ACTR3C: variants seen among roughly 807,000 people sequenced by gnomAD.
The protein encoded by ACTR3C is actin related protein 3C, also known as actin-related protein 3C.
Under a neutral mutation model 26.3 loss-of-function variants are expected in ACTR3C, and 18 were observed. The observed-to-expected ratio is 0.68, with a 90% confidence interval of 0.47 to 1.01. The LOEUF is 1.01. Among genes scored for constraint, ACTR3C ranks in the 50% least tolerant of loss-of-function variants. The probability of loss-of-function intolerance (pLI) is 0.00; values close to 1 mark genes in which losing one functional copy is unlikely to be tolerated. For missense variants in ACTR3C, 184 were observed against 250.7 expected (o/e 0.73, Z 1.80); for synonymous variants, 55 against 94.5 (o/e 0.58, Z 2.42).
chr7:150,023,661 T>C, the ACTR3C span, among the ~76,000 whole-genome samples: 1 of 150,504 alleles, frequency 6.6e-6, no homozygotes, highest in East Asian at 2.0e-4. Flanking sequence ...GGGAGATTTT[T>C]AGCTAAGAAA....
chr7:150,203,463 T>C, the ACTR3C span, among the ~76,000 whole-genome samples: 1 of 152,248 alleles, frequency 6.6e-6, no homozygotes, highest in Non-Finnish European at 1.5e-5. Flanking sequence ...CCGTGAATCC[T>C]TTTAAAATCA....
chr7:150,308,370 A>G (rs529032003), intron 1 of ACTR3C, among the ~76,000 whole-genome samples: 29 of 152,284 alleles, frequency 1.9e-4, no homozygotes, highest in African/African-American at 5.1e-4. Context: ...CTTGGCCCCA[A>G]TACAAGCTCG....
At chr7:149,961,369 C>A in the ACTR3C span, among the ~76,000 whole-genome samples, 1 of 151,798 alleles carries the variant, frequency 6.6e-6, no homozygotes, top group African/African-American at 2.4e-5. Context: ...AGGAAGTTTA[C>A]AGATAGGAAG....
At chr7:150,149,056 T>C in the ACTR3C span, among the ~76,000 whole-genome samples, 1 of 143,790 alleles carries the variant, frequency 7.0e-6, no homozygotes, top group Non-Finnish European at 1.5e-5. Context: ...ATATGCACTC[T>C]CTTGGTTACG....
intron 3 of ACTR3C, among the ~76,000 whole-genome samples, chr7:150,290,994 G>GA (rs1281229149): frequency 1.4e-4 from 22 of 152,100 alleles, no homozygotes; most frequent in African/African-American, 5.1e-4. Context: ...AACCACAAGA[G>GA]AAAAAAACTA....
At chr7:150,299,264 G>A (rs1489318067) in intron 1 of ACTR3C, among the ~76,000 whole-genome samples, 2 of 150,870 alleles carry the variant, frequency 1.3e-5, no homozygotes, top group African/African-American at 4.9e-5. Context: ...TACAAGGCGT[G>A]AGCCACCATG....
At chr7:149,992,799 C>T in the ACTR3C span, among the ~76,000 whole-genome samples, 2,111 of 152,280 alleles carry the variant, frequency 0.014, 65 homozygotes, top group African/African-American at 0.048. Context: ...CACATGCTCA[C>T]GAGGTGAAGT....
At chr7:150,036,968 C>G in the ACTR3C span, among the ~76,000 whole-genome samples, 1 of 74,180 alleles carries the variant, frequency 1.3e-5, no homozygotes, top group Non-Finnish European at 3.2e-5. Flanking sequence ...GGCTGGCTCT[C>G]AGTCCCTGCC....
chr7:150,136,164 A>G, the ACTR3C span, among the ~76,000 whole-genome samples: 1 of 151,998 alleles, frequency 6.6e-6, no homozygotes. Context: ...CCTGGATCCC[A>G]GGGTGGAAAC....
chr7:150,210,151 CA>C, the ACTR3C span, among the ~76,000 whole-genome samples: 11 of 151,548 alleles, frequency 7.3e-5, no homozygotes, highest in Admixed American at 7.2e-4. Flanking sequence ...TTGCAAAATA[CA>C]AATTTAAACT....
chr7:149,929,524 A>G, the ACTR3C span, among the ~76,000 whole-genome samples: 1 of 135,106 alleles, frequency 7.4e-6, no homozygotes, highest in Admixed American at 8.6e-5. Flanking sequence ...TTTCCCCACA[A>G]ATGACTTTTT....
chr7:150,225,247 T>C, the ACTR3C span, among the ~76,000 whole-genome samples: 1 of 152,200 alleles, frequency 6.6e-6, no homozygotes, highest in Non-Finnish European at 1.5e-5. Flanking sequence ...CTGAGTCCTC[T>C]AGCTGACAGA....
At chr7:149,899,562 A>T in the ACTR3C span, among the ~76,000 whole-genome samples, 1 of 136,990 alleles carries the variant, frequency 7.3e-6, no homozygotes, top group African/African-American at 2.6e-5. Flanking sequence ...AACAGACATT[A>T]CCCAGTCCAA....
chr7:149,941,288 C>T, the ACTR3C span, among the ~76,000 whole-genome samples: 5 of 152,278 alleles, frequency 3.3e-5, no homozygotes, highest in South Asian at 4.1e-4. Flanking sequence ...CCAGTTTCTA[C>T]GTAGGAACTG....
At chr7:149,987,979 A>G in the ACTR3C span, among the ~76,000 whole-genome samples, 75 of 152,246 alleles carry the variant, frequency 4.9e-4, no homozygotes, top group African/African-American at 1.7e-3. Flanking sequence ...ATCTCATGTA[A>G]TAACTTCCCC....
Position 150,283,364 on chromosome 7 carries a change from T to C in ACTR3C, c.564+1389A>G, listed in dbSNP as rs1033877136. 4.7e-5 allele frequency among the ~76,000 whole-genome samples: 7 copies of C among 150,098 alleles called. 2 individuals are homozygous for C. Among genetic ancestry groups the C allele is most frequent in the African/African-American group, 1.8e-4 (7 of 39,406 alleles). ...GTTCCCCTTTCTTTGTATTTTGTAT[T>C]AGACAAGTGTTTAAGAATATGCAGC... On this transcript the variant is annotated intron_variant, in intron 6 of 7. Transcript: ENST00000683684.
At chr7:150,060,599 A>G in the ACTR3C span, among the ~76,000 whole-genome samples, 3 of 152,230 alleles carry the variant, frequency 2.0e-5, no homozygotes, top group South Asian at 6.2e-4. Context: ...ACAACAGCAA[A>G]GCCAAAGCAA....
chr7:150,056,287 A>G, the ACTR3C span, among the ~76,000 whole-genome samples: 1 of 152,202 alleles, frequency 6.6e-6, no homozygotes, highest in Admixed American at 6.5e-5. Context: ...ACCCTGATTC[A>G]TGCATATATG....
the ACTR3C span, among the ~76,000 whole-genome samples, chr7:150,090,213 C>T: frequency 6.6e-6 from 1 of 152,204 alleles, no homozygotes; most frequent in Non-Finnish European, 1.5e-5. Flanking sequence ...AAATAATTCT[C>T]GTTTAATTGA....
Sources: allele counts gnomAD v4.1 joint callset (sites outside exome capture counted in the v4.1 genomes callset), GRCh38; gene constraint gnomAD v4.1.1; transcripts MANE v1.5; gene names NCBI Gene and HGNC (gene_info 2026-07-23, HGNC 2026-07-21).